Variants in AKAP19 observed in about 807,000 individuals in gnomAD.
AKAP19 encodes the protein A-kinase anchoring protein 19.
the AKAP19 span, chr2:190,057,146 G>A: frequency 8.9e-7 from 1 of 1,122,834 alleles, no homozygotes; most frequent in East Asian, 2.5e-5. Context: ...ATGCTTAAGT[G>A]ACTGTAGCAT....
the AKAP19 span, chr2:190,201,867 A>T: frequency 4.8e-5 from 8 of 167,060 alleles, no homozygotes; most frequent in Non-Finnish European, 8.8e-5. Context: ...GGTCATGAAG[A>T]GTAGTTTAGG....
the AKAP19 span, among the ~76,000 whole-genome samples, chr2:190,058,534 G>C: frequency 6.6e-6 from 1 of 151,956 alleles, no homozygotes; most frequent in Middle Eastern, 3.4e-3. Context: ...AAATTGTATA[G>C]TCTTTTAGAC....
the AKAP19 span, among the ~76,000 whole-genome samples, chr2:190,182,159 G>A: frequency 2.6e-5 from 4 of 152,154 alleles, no homozygotes; most frequent in Non-Finnish European, 4.4e-5. Context: ...TCAGTGACAG[G>A]AAGCTCATTA....
the AKAP19 span, among the ~76,000 whole-genome samples, chr2:190,011,050 C>CTTTTTTTTTTTTTTTTTTTTTTTT: frequency 1.7e-5 from 1 of 59,576 alleles, no homozygotes; most frequent in Admixed American, 2.4e-4. Context: ...CTCTCTCTCT[C>CTTTTTTTTTTTTTTTTTTTTTTTT]TTTTTTTTTT....
At chr2:189,993,845 G>A in the AKAP19 span, among the ~76,000 whole-genome samples, 1 of 151,958 alleles carries the variant, frequency 6.6e-6, no homozygotes, top group African/African-American at 2.4e-5. Flanking sequence ...TGTGGGGTTG[G>A]TCGTAATACC....
the AKAP19 span, among the ~76,000 whole-genome samples, chr2:190,139,465 A>C: frequency 6.6e-6 from 1 of 152,164 alleles, no homozygotes; most frequent in African/African-American, 2.4e-5. Flanking sequence ...AGAAATACCC[A>C]AGGCTGAGTA....
the AKAP19 span, among the ~76,000 whole-genome samples, chr2:190,129,676 G>T: frequency 2.6e-5 from 4 of 152,070 alleles, 1 homozygote; most frequent in African/African-American, 4.8e-5. Context: ...AATAATATTA[G>T]CAAGTAACCA....
the AKAP19 span, among the ~76,000 whole-genome samples, chr2:190,146,108 G>A: frequency 1.3e-5 from 2 of 151,912 alleles, no homozygotes; most frequent in East Asian, 3.9e-4. Flanking sequence ...CATCACCCGA[G>A]CAGTATACAC....
At chr2:189,926,823 T>C in the AKAP19 span, among the ~76,000 whole-genome samples, 62 of 152,036 alleles carry the variant, frequency 4.1e-4, no homozygotes, top group African/African-American at 1.4e-3. Context: ...GACCTCATGA[T>C]GCGCCCGTCT....
chr2:190,008,042 C>T, the AKAP19 span, among the ~76,000 whole-genome samples: 1 of 152,160 alleles, frequency 6.6e-6, no homozygotes, highest in Admixed American at 6.5e-5. Flanking sequence ...TACTCATTAC[C>T]TATTCCCTGG....
the AKAP19 span, among the ~76,000 whole-genome samples, chr2:190,123,651 C>T: frequency 2.0e-5 from 3 of 152,272 alleles, no homozygotes; most frequent in African/African-American, 7.2e-5. Flanking sequence ...CAAGACTCAC[C>T]ACAGTAAATT....
the AKAP19 span, among the ~76,000 whole-genome samples, chr2:190,197,049 CAT>C: frequency 3.3e-5 from 5 of 152,142 alleles, no homozygotes; most frequent in Non-Finnish European, 5.9e-5. The surrounding 1 kb of genome is among the most constrained non-coding windows in gnomAD (Gnocchi z 4.0). Context: ...TGTGGCCTCA[CAT>C]GTCAGTAGGG....
At chr2:189,935,449 A>C in the AKAP19 span, among the ~76,000 whole-genome samples, 1 of 152,070 alleles carries the variant, frequency 6.6e-6, no homozygotes, top group African/African-American at 2.4e-5. Flanking sequence ...AAGGATCCCA[A>C]ATAGAAACTT....
chr2:190,133,498 T>C, the AKAP19 span, among the ~76,000 whole-genome samples: 2 of 152,206 alleles, frequency 1.3e-5, no homozygotes, highest in Admixed American at 1.3e-4. Context: ...TGAAAAGCAG[T>C]ATGAAGGTTC....
the AKAP19 span, among the ~76,000 whole-genome samples, chr2:190,163,278 C>CA: frequency 1.3e-5 from 2 of 151,716 alleles, no homozygotes; most frequent in Admixed American, 6.6e-5. Flanking sequence ...ACTAAAAATA[C>CA]AAAAAATTAG....
At chr2:189,945,549 A>C in the AKAP19 span, among the ~76,000 whole-genome samples, 1 of 152,226 alleles carries the variant, frequency 6.6e-6, no homozygotes, top group African/African-American at 2.4e-5. Flanking sequence ...CCAAAGACTA[A>C]AAAACTCTTC....
the AKAP19 span, among the ~76,000 whole-genome samples, chr2:190,093,411 C>T: frequency 9.4e-5 from 14 of 149,446 alleles, no homozygotes; most frequent in African/African-American, 2.5e-4. Flanking sequence ...CCAGCCTGGG[C>T]GACAGAGCAA....
chr2:190,039,560 G>A, the AKAP19 span, among the ~76,000 whole-genome samples: 2 of 151,884 alleles, frequency 1.3e-5, no homozygotes, highest in South Asian at 2.1e-4. Context: ...GCATGTAAAG[G>A]TTTGTTACAT....
chr2:189,917,330 T>C, the AKAP19 span: 1 of 1,388,872 alleles, frequency 7.2e-7, no homozygotes, highest in Non-Finnish European at 1.0e-6. Context: ...ACTTGTCCGG[T>C]TGTTGAATTT....
Sources: gnomAD v4.1 joint callset for allele counts (sites outside exome capture counted in the v4.1 genomes callset) on GRCh38, gnomAD v4.1.1 for gene constraint, Gnocchi (gnomAD v3.1) non-coding constraint, MANE v1.5 for transcripts, NCBI Gene and HGNC (gene_info 2026-07-23, HGNC 2026-07-21) for gene names.